The following ARHGEF2 variants were observed in gnomAD, a reference collection of about 807,000 sequenced individuals.
The protein encoded by ARHGEF2 is rho guanine nucleotide exchange factor 2.
In ARHGEF2, 22 loss-of-function variants were observed where a neutral mutation model predicts 121.0. The observed-to-expected ratio is 0.18, with a 90% CI of 0.13 to 0.26. The LOEUF (loss-of-function observed/expected upper bound fraction) is 0.26. Among genes scored for constraint, ARHGEF2 ranks in the 10% least tolerant of loss-of-function variants. The probability of loss-of-function intolerance (pLI) is 1.00; values close to 1 mark genes in which losing one functional copy is unlikely to be tolerated. For synonymous variants in ARHGEF2, 487 were observed against 530.0 expected, an observed-to-expected ratio of 0.92 and a Z score of 1.11; for missense variants, 907 against 1,336.0, an observed-to-expected ratio of 0.68 and a Z score of 5.01.
chr1:155,951,617 C>T lies in ARHGEF2; in HGVS notation c.2209-84G>A. 1 of 1,607,238 alleles carries T rather than the reference C, an allele frequency of 6.2e-7. No individual in the cohort carries two copies. Among genetic ancestry groups the T allele is most frequent in the South Asian group, 1.1e-5 (1 of 90,924 alleles). On this transcript the variant is annotated intron_variant, in intron 18 of 21. Transcript: ENST00000361247. This position sits in a 1 kb window ranked among gnomAD's most constrained non-coding sequence, Gnocchi z 5.1. ...AGTTGAACAAGGGTGGGTGTGGGGA[C>T]AGTAGGATCCGGAGACATACTTGAA...
Position 155,978,464 on chromosome 1 carries a change from C to A in ARHGEF2, c.-37G>T. ...GGGACCAGGGAGGACGCGGCGCGGACCCCGGCGTCCTGTATTGTTGGGGGA... is the reference window on the plus strand; with the variant it reads ...GGGACCAGGGAGGACGCGGCGCGGAACCCGGCGTCCTGTATTGTTGGGGGA... On this transcript the variant is annotated 5_prime_UTR_variant, in exon 1 of 22. Transcript: ENST00000361247. This position sits in a 1 kb window ranked among gnomAD's most constrained non-coding sequence, Gnocchi z 4.1. The A allele has an allele frequency of 7.0e-7, 1 of 1,438,330 alleles. No homozygotes were observed. Among genetic ancestry groups the A allele is most frequent in the Non-Finnish European group, 9.3e-7 (1 of 1,077,952 alleles). The allele number at this position is 1,438,330 out of a possible 1,614,324, so 89.1% of individuals were successfully genotyped here. A position where few individuals can be genotyped will look rare whatever the true frequency, so the allele number is the denominator to read the frequency against.
chr1:155,978,241 T>C lies in ARHGEF2; in HGVS notation c.63+124A>G, dbSNP rs1681685234. On this transcript the variant is annotated intron_variant, in intron 1 of 21. Transcript: ENST00000361247. The surrounding 1 kb of genome is among the most constrained non-coding windows in gnomAD (Gnocchi z 4.1). Reference sequence around the variant, plus strand: ...CCCACCCCGTCCCGCCGCTCGCCGATCCACCGCTCCGCCCGATTTTGGCGC... The same window carrying C: ...CCCACCCCGTCCCGCCGCTCGCCGACCCACCGCTCCGCCCGATTTTGGCGC... The C allele has an allele frequency of 1.7e-6, 2 of 1,172,076 alleles. No homozygotes were observed. Among genetic ancestry groups the C allele is most frequent in the Admixed American group, 3.7e-5 (1 of 27,194 alleles). The allele number at this position is 1,172,076 out of a possible 1,614,324, so 72.6% of individuals were successfully genotyped here.
intron 13 of ARHGEF2, 28 bp from the exon 14 acceptor site, chr1:155,954,997 TGA>T: frequency 1.9e-6 from 3 of 1,596,726 alleles, no homozygotes; most frequent in Non-Finnish European, 2.6e-6. Context: ...CGCATGCCAT[TGA>T]GAGACAGAAG....
intron 1 of ARHGEF2, chr1:155,970,167 C>T (rs1323050118): frequency 1.0e-6 from 1 of 985,392 alleles, no homozygotes; most frequent in East Asian, 1.1e-4. Context: ...CTGGTCTCTC[C>T]CATCCTAGGA....
Position 155,965,797 on chromosome 1 carries a change from C to G in ARHGEF2, c.341-37G>C. On this transcript the variant is annotated intron_variant, in intron 4 of 21. Transcript: ENST00000361247. This position sits in a 1 kb window ranked among gnomAD's most constrained non-coding sequence, Gnocchi z 6.0. ...AGATGCCCAGCAGGCAAACATCAGA[C>G]TCTGGTGCTTCCCAGGATTGAGGCC... 6.4e-7 allele frequency: 1 copy of G among 1,566,344 alleles called. No homozygotes were observed. The highest frequency in any genetic ancestry group is 8.6e-7 in the Non-Finnish European group (1 of 1,166,042).
chr1:155,957,964 G>C, intron 12 of ARHGEF2, 82 bp from the exon 13 acceptor site: 1 of 1,357,010 alleles, frequency 7.4e-7, no homozygotes, highest in East Asian at 2.4e-5. Flanking sequence ...TCTGGACGAG[G>C]ACTGAAAGGA....
At chr1:155,956,887 C>CAAAAAAA (rs34831517) in intron 13 of ARHGEF2, among the ~76,000 whole-genome samples, 1 of 80,432 alleles carries the variant, frequency 1.2e-5, no homozygotes, top group Non-Finnish European at 2.3e-5. Context: ...ACTCTGTCTC[C>CAAAAAAA]AAAAAAAAAA....
chr1:155,973,425 CCAGATCT>C (rs1468490085), intron 1 of ARHGEF2, among the ~76,000 whole-genome samples: 2 of 152,188 alleles, frequency 1.3e-5, no homozygotes, highest in African/African-American at 4.8e-5. Flanking sequence ...CACTGTCATC[CCAGATCT>C]CAGTCACTTT....
chr1:155,950,924 G>C lies in ARHGEF2; in HGVS notation c.2608C>G (p.Pro870Ala). 6.2e-7 allele frequency: 1 copy of C among 1,603,840 alleles called. No individual in the cohort carries two copies. The highest frequency in any genetic ancestry group is 8.5e-7 in the Non-Finnish European group (1 of 1,174,008). ...LAALGQTEPL[P>A]AEAPWARRPV... ...CTGCGGGCCCAGGGGGCCTCAGCTG[G>C]GAGTGGCTCGGTCTGGCCCAGGGCG... Residue 870 changes from proline (P) to alanine (A), a missense_variant, in exon 20 of 22, where the codon CCA becomes GCA. Physicochemically the swap from Pro to Ala is conservative, Grantham distance 27. Coordinates refer to ENST00000361247, the MANE Select transcript of ARHGEF2 (RefSeq NM_001162383.2). The surrounding 1 kb of genome is among the most constrained non-coding windows in gnomAD (Gnocchi z 5.2).
rs1201950389 is a variant in ARHGEF2, at chr1:155,951,811, C to T, written c.2173-35G>A. On this transcript the variant is annotated intron_variant, in intron 17 of 21. Coordinates refer to ENST00000361247, the MANE Select transcript of ARHGEF2 (RefSeq NM_001162383.2). This position sits in a 1 kb window ranked among gnomAD's most constrained non-coding sequence, Gnocchi z 5.1. Reference sequence around the variant, plus strand: ...TGGGCAAGAATGGGGAGTCAGCAGGCACACAAATCCTGGGTGCCTGCCCCT... The same window carrying T: ...TGGGCAAGAATGGGGAGTCAGCAGGTACACAAATCCTGGGTGCCTGCCCCT... 3 of 1,613,418 alleles carry T rather than the reference C, an allele frequency of 1.9e-6. No homozygotes were observed. The highest frequency in any genetic ancestry group is 1.6e-4 in the Middle Eastern group (1 of 6,084).
At position 155,961,415 on chromosome 1, in the gene ARHGEF2, T is replaced by C. The variant is rs1160480104; in HGVS notation, c.1468+246A>G. On this transcript the variant is annotated intron_variant, in intron 11 of 21. Coordinates refer to ENST00000361247, the MANE Select transcript of ARHGEF2 (RefSeq NM_001162383.2). The surrounding 1 kb of genome is among the most constrained non-coding windows in gnomAD (Gnocchi z 4.7). ...TCAGCCTCCTGAGTAGCTGGGACTA[T>C]AGGCGCCCACCACCACGCCCGGCGA... 1.3e-5 allele frequency among the ~76,000 whole-genome samples: 2 copies of C among 151,812 alleles called. No homozygotes were observed. Among genetic ancestry groups the C allele is most frequent in the African/African-American group, 2.4e-5 (1 of 41,312 alleles).
chr1:155,970,570 C>T (rs1680261164), intron 1 of ARHGEF2: 1 of 985,386 alleles, frequency 1.0e-6, no homozygotes. Flanking sequence ...AGCCCCAAGT[C>T]AGAGGACCTG....
At position 155,964,908 on chromosome 1, in the gene ARHGEF2, A is replaced by T. The variant is rs113808290; in HGVS notation, c.724+80T>A. On this transcript the variant is annotated intron_variant, in intron 7 of 21. Coordinates refer to ENST00000361247, the MANE Select transcript of ARHGEF2 (RefSeq NM_001162383.2). Reference sequence around the variant, plus strand: ...ACTCCATCTCAAAAAAAAAAAAAAAAAGAAAAAGAAAAATAAAGAAGGAAG... The same window carrying T: ...ACTCCATCTCAAAAAAAAAAAAAAATAGAAAAAGAAAAATAAAGAAGGAAG... 1.8e-3 allele frequency: 2,597 copies of T among 1,468,498 alleles called. 37 individuals are homozygous for T. In the African/African-American group the frequency reaches 0.034, roughly 19 times the overall value. The allele number at this position is 1,468,498 out of a possible 1,614,324, so 91.0% of individuals were successfully genotyped here. A position where few individuals can be genotyped will look rare whatever the true frequency, so the allele number is the denominator to read the frequency against.
In ARHGEF2 at chr1:155,947,898, G is replaced by T; in HGVS notation, c.*44C>A. 7.9e-7 allele frequency: 1 copy of T among 1,260,944 alleles called. No individual in the cohort carries two copies. Among genetic ancestry groups the T allele is most frequent in the Non-Finnish European group, 1.1e-6 (1 of 890,300 alleles). 78.1% of individuals were successfully genotyped at this position (1,260,944 alleles called of 1,614,324 possible). On this transcript the variant is annotated 3_prime_UTR_variant, in exon 22 of 22. Transcript: ENST00000361247. ...GGAGTCCCCAAGGTTAGCCCCCTCAGTAATGTTCTTCAGTGGGGCACGGGG... is the reference window on the plus strand; with the variant it reads ...GGAGTCCCCAAGGTTAGCCCCCTCATTAATGTTCTTCAGTGGGGCACGGGG...
At chr1:155,971,733 T>A (rs1680503467) in intron 1 of ARHGEF2, among the ~76,000 whole-genome samples, 1 of 150,974 alleles carries the variant, frequency 6.6e-6, no homozygotes, top group African/African-American at 2.4e-5. Context: ...AACCAAAAGT[T>A]TGAGCATGTA....
intron 11 of ARHGEF2, among the ~76,000 whole-genome samples, 170 bp from the exon 12 acceptor site, chr1:155,958,566 C>T (rs1458683279): frequency 7.1e-6 from 1 of 141,340 alleles, no homozygotes; most frequent in Non-Finnish European, 1.6e-5. Flanking sequence ...TCACACCTCA[C>T]CCATTCTATT....
chr1:155,948,120 C>T, intron 21 of ARHGEF2, 105 bp from the exon 22 acceptor site: 2 of 852,206 alleles, frequency 2.3e-6, no homozygotes, highest in East Asian at 5.7e-5. Context: ...GGCTCTGGGG[C>T]TGTGAAGGGA....
At chr1:155,960,777 A>G (rs1259795343) in intron 11 of ARHGEF2, among the ~76,000 whole-genome samples, 1 of 152,164 alleles carries the variant, frequency 6.6e-6, no homozygotes, top group African/African-American at 2.4e-5. Context: ...ACAGTTTCCT[A>G]TTGTCCCTCA....
intron 11 of ARHGEF2, among the ~76,000 whole-genome samples, chr1:155,958,821 C>T (rs1237932730): frequency 6.7e-6 from 1 of 149,234 alleles, no homozygotes; most frequent in African/African-American, 2.5e-5. Flanking sequence ...CAGGTTTATC[C>T]ACCAGTTTCG....
Sources: gnomAD v4.1 joint callset for allele counts (sites outside exome capture counted in the v4.1 genomes callset) on GRCh38, gnomAD v4.1.1 for gene constraint, Gnocchi (gnomAD v3.1) non-coding constraint, MANE v1.5 for transcripts, NCBI Gene and HGNC (gene_info 2026-07-23, HGNC 2026-07-21) for gene names.